PPP3CA: variants seen among roughly 807,000 people sequenced by gnomAD.
The protein encoded by PPP3CA is protein phosphatase 3 catalytic subunit alpha, also known as CAM-PRP catalytic subunit.
A neutral mutation model predicts 66.5 loss-of-function variants in PPP3CA; 14 were observed. The ratio of observed to expected loss-of-function variants is 0.21; its 90% confidence interval spans 0.14 to 0.33. The LOEUF (loss-of-function observed/expected upper bound fraction) is 0.33, where lower values mean the gene tolerates loss of function less well. PPP3CA is among the 10% of genes least tolerant of loss of function. PPP3CA has a pLI of 1.00. For missense variants in PPP3CA, 317 were observed against 639.5 expected (o/e 0.50, Z 5.44); for synonymous variants, 232 against 226.2 (o/e 1.03, Z -0.23).
At chr4:101,032,511 ATACT>A (rs981142916) in intron 11 of PPP3CA, 147 bp from the exon 12 acceptor site, 7 of 647,734 alleles carry the variant, frequency 1.1e-5, no homozygotes, top group African/African-American at 7.4e-5. Context: ...TTTTTTTAAC[ATACT>A]TTATTTTAAT....
At chr4:101,328,891 C>T (rs926066193) in intron 1 of PPP3CA, among the ~76,000 whole-genome samples, 2 of 152,080 alleles carry the variant, frequency 1.3e-5, no homozygotes, top group African/African-American at 4.8e-5. Context: ...ACTCTGACTG[C>T]TGTGCTGACC....
chr4:101,272,034 T>A (rs1378989635), intron 1 of PPP3CA, among the ~76,000 whole-genome samples: 1 of 152,190 alleles, frequency 6.6e-6, no homozygotes, highest in East Asian at 1.9e-4. Flanking sequence ...TTTTCTTTAT[T>A]ATTACTTAGG....
intron 2 of PPP3CA, among the ~76,000 whole-genome samples, chr4:101,194,035 T>A (rs2659514): frequency 1 from 152,057 of 152,290 alleles, 75,916 homozygotes; most frequent in Middle Eastern, 1. Flanking sequence ...ACTACGCTTA[T>A]TTCTGAATTC....
chr4:101,334,826 A>G (rs1302305665), intron 1 of PPP3CA, among the ~76,000 whole-genome samples: 1 of 152,162 alleles, frequency 6.6e-6, no homozygotes, highest in Non-Finnish European at 1.5e-5. Context: ...AGAGATATAC[A>G]TGATATAACA....
intron 1 of PPP3CA, among the ~76,000 whole-genome samples, chr4:101,241,478 TTAAAA>T (rs1726307774): frequency 6.6e-6 from 1 of 152,142 alleles, no homozygotes; most frequent in African/African-American, 2.4e-5. Flanking sequence ...AAAGAATATT[TTAAAA>T]TAATTTCTAA....
intron 2 of PPP3CA, among the ~76,000 whole-genome samples, chr4:101,161,162 A>G (rs1489347270): frequency 6.6e-6 from 1 of 152,146 alleles, no homozygotes; most frequent in Admixed American, 6.5e-5. Context: ...CCGAGAAGCA[A>G]TAGGCTACAT....
rs1399400422 is a variant in PPP3CA, at chr4:101,124,799, G to GAAAGAAAGAAAGAAAGAA, written c.260-15722_260-15721insTTCTTTCTTTCTTTCTTT. Among the ~76,000 whole-genome samples the GAAAGAAAGAAAGAAAGAA allele has an allele frequency of 1.7e-4, 17 of 100,384 alleles. 2 individuals carry two copies. The highest frequency in any genetic ancestry group is 2.8e-4 in the East Asian group (1 of 3,522). 65.9% of individuals were successfully genotyped at this position (100,384 alleles called of 152,430 possible). A position where few individuals can be genotyped will look rare whatever the true frequency, so the allele number is the denominator to read the frequency against. The stretch of plus-strand genomic sequence containing the variant: ...AGAAAGAAAGAAAGAAAGAAAGAAA[G>GAAAGAAAGAAAGAAAGAA]AGAAAACTGTATTGGTGTTGAGGAG... On this transcript the variant is annotated intron_variant, in intron 2 of 13. Transcript: ENST00000394854.
intron 2 of PPP3CA, among the ~76,000 whole-genome samples, chr4:101,171,876 A>G (rs914548906): frequency 6.6e-6 from 1 of 152,208 alleles, no homozygotes; most frequent in Non-Finnish European, 1.5e-5. Context: ...GAAAATGAGC[A>G]TGTCTCTCAT....
chr4:101,155,005 C>T (rs1282171288), intron 2 of PPP3CA, among the ~76,000 whole-genome samples: 2 of 151,776 alleles, frequency 1.3e-5, no homozygotes, highest in Non-Finnish European at 2.9e-5. Flanking sequence ...TTAGTAGAGA[C>T]GGGGTTTCAC....
intron 1 of PPP3CA, among the ~76,000 whole-genome samples, chr4:101,230,943 A>G (rs1367139630): frequency 6.6e-6 from 1 of 151,638 alleles, no homozygotes; most frequent in Non-Finnish European, 1.5e-5. Context: ...CATCTAGGAA[A>G]ATTTTACTCA....
rs150778109 is a variant in PPP3CA, at chr4:101,338,458, C to T, written c.58+8281G>A. 3.0e-3 allele frequency among the ~76,000 whole-genome samples: 460 copies of T among 152,346 alleles called. 2 individuals are homozygous for T. The highest frequency in any genetic ancestry group is 0.011 in the African/African-American group (443 of 41,588). On this transcript the variant is annotated intron_variant, in intron 1 of 13. Transcript: ENST00000394854. ...AAATCCATCTTATCCTTTGTTATTT[C>T]ATTCCTGTAACAACTATGTATCAAA...
chr4:101,242,148 C>T (rs1267085463), intron 1 of PPP3CA, among the ~76,000 whole-genome samples: 2 of 152,068 alleles, frequency 1.3e-5, no homozygotes, highest in Non-Finnish European at 2.9e-5. Context: ...TCTTAAGACT[C>T]ATAGTAGAAA....
chr4:101,227,509 T>C (rs538643107), intron 1 of PPP3CA, among the ~76,000 whole-genome samples: 1 of 151,904 alleles, frequency 6.6e-6, no homozygotes, highest in African/African-American at 2.4e-5. Flanking sequence ...ATCACACTAG[T>C]GGTGCTTAGA....
intron 2 of PPP3CA, among the ~76,000 whole-genome samples, chr4:101,160,070 TAGAGAAGAAAAATGTGAAATAG>T (rs1400754645): frequency 1.3e-5 from 2 of 151,452 alleles, no homozygotes; most frequent in Non-Finnish European, 2.9e-5. Context: ...CTTGGGAAAG[TAGAGAAGAAAAATGTGAAATAG>T]AAAGTAAAAT....
At chr4:101,121,375 A>G (rs542736552) in intron 2 of PPP3CA, among the ~76,000 whole-genome samples, 1 of 152,158 alleles carries the variant, frequency 6.6e-6, no homozygotes, top group East Asian at 1.9e-4. Flanking sequence ...CGCATCTTCT[A>G]TATTCCTTGC....
chr4:101,067,460 C>T (rs1460570535), intron 8 of PPP3CA, among the ~76,000 whole-genome samples: 1 of 151,888 alleles, frequency 6.6e-6, no homozygotes, highest in Middle Eastern at 3.2e-3. Flanking sequence ...GTCTACCAAG[C>T]CATGTACTAA....
At chr4:101,255,698 A>G (rs996424147) in intron 1 of PPP3CA, among the ~76,000 whole-genome samples, 4 of 151,972 alleles carry the variant, frequency 2.6e-5, no homozygotes, top group African/African-American at 9.7e-5. Context: ...TGAAATTTTA[A>G]AAAATTAAGT....
intron 2 of PPP3CA, among the ~76,000 whole-genome samples, chr4:101,131,476 A>C (rs1184928649): frequency 6.6e-6 from 1 of 151,898 alleles, no homozygotes; most frequent in East Asian, 1.9e-4. Context: ...ACAGACTTTA[A>C]ACCAACAAAG....
At chr4:101,223,919 C>T (rs527418890) in intron 1 of PPP3CA, among the ~76,000 whole-genome samples, 1 of 151,830 alleles carries the variant, frequency 6.6e-6, no homozygotes, top group Admixed American at 6.6e-5. Flanking sequence ...GAAAAGTCAA[C>T]AGTCTCCAAT....
Sources: gnomAD v4.1 joint callset for allele counts (sites outside exome capture counted in the v4.1 genomes callset) on GRCh38, gnomAD v4.1.1 for gene constraint, MANE v1.5 for transcripts, NCBI Gene and HGNC (gene_info 2026-07-23, HGNC 2026-07-21) for gene names.